The following ATP7B variants were observed in gnomAD, a reference collection of about 807,000 sequenced individuals.
The protein encoded by ATP7B is copper-transporting ATPase 2.
In ATP7B, 113 loss-of-function variants were observed where a neutral mutation model predicts 118.9. That is an observed-to-expected ratio of 0.95 (90% confidence interval 0.82 to 1.11). ATP7B has a LOEUF of 1.11. Ranked by LOEUF, ATP7B falls within the 50% of genes most tolerant of loss-of-function variation. ATP7B has a pLI of 0.00. For missense variants in ATP7B, 1,867 were observed against 1,871.4 expected (o/e 1.00, Z 0.04); for synonymous variants, 777 against 727.4 (o/e 1.07, Z -1.10).
chr13:51,983,730 G>A (rs764996568), intron 1 of ATP7B, among the ~76,000 whole-genome samples: 7 of 152,216 alleles, frequency 4.6e-5, no homozygotes, highest in Non-Finnish European at 1.0e-4. Context: ...AGCAATCTTT[G>A]CTGTTCTGTA....
At chr13:51,989,661 C>G (rs1043266893) in intron 1 of ATP7B, among the ~76,000 whole-genome samples, 1 of 152,152 alleles carries the variant, frequency 6.6e-6, no homozygotes, top group Non-Finnish European at 1.5e-5. Context: ...GACAGGGTAT[C>G]GTCTCCAAGG....
Position 51,944,288 on chromosome 13 carries a change from T to TG in ATP7B, c.3063_3064insC (p.Lys1022GlnfsTer6). 1 of 1,613,796 alleles carries TG rather than the reference T, an allele frequency of 6.2e-7. No individual in the cohort carries two copies. The highest frequency in any genetic ancestry group is 8.5e-7 in the Non-Finnish European group (1 of 1,179,970). On this transcript the variant is annotated frameshift_variant, in exon 14 of 21. Coordinates refer to ENST00000242839, the MANE Select transcript of ATP7B (RefSeq NM_000053.4). LOFTEE classifies it high-confidence loss of function. Reference sequence around the variant, plus strand: ...CCAGTCTTGTCAAACATCACAGTCTTTATCTGCCAAAAACAACCACAACTC... The same window carrying TG: ...CCAGTCTTGTCAAACATCACAGTCTTGTATCTGCCAAAAACAACCACAACTC...
intron 5 of ATP7B, among the ~76,000 whole-genome samples, chr13:51,963,693 G>A (rs1958896249): frequency 7.1e-6 from 1 of 140,728 alleles, no homozygotes; most frequent in Admixed American, 7.6e-5. Flanking sequence ...CCGAGATCAT[G>A]CCATCACACT....
chr13:52,005,418 T>A (rs1953718523), intron 1 of ATP7B, among the ~76,000 whole-genome samples: 1 of 152,176 alleles, frequency 6.6e-6, no homozygotes, highest in African/African-American at 2.4e-5. Context: ...CCACAAAGCA[T>A]TAGGGCACAG....
chr13:51,977,788 T>C (rs1337457951), intron 1 of ATP7B, among the ~76,000 whole-genome samples: 1 of 152,216 alleles, frequency 6.6e-6, no homozygotes, highest in Non-Finnish European at 1.5e-5. Context: ...ACTATGACAT[T>C]ACAACAGCTG....
At position 51,941,074 on chromosome 13, in the gene ATP7B, A is replaced by T; in HGVS notation, c.3556+7T>A. ...GAGAGCGGAAGGAAGGCAGAAGCAG[A>T]AGATACCGTCAATAGCCACCAGGAT... is the stretch of plus-strand genomic sequence containing the variant. On this transcript the variant is annotated splice_region_variant and intron_variant, in intron 16 of 20. Transcript: ENST00000242839. 1 of 1,614,218 alleles carries T rather than the reference A, an allele frequency of 6.2e-7. No homozygotes were observed. The highest frequency in any genetic ancestry group is 8.5e-7 in the Non-Finnish European group (1 of 1,180,026).
intron 10 of ATP7B, 46 bp from the exon 11 acceptor site, chr13:51,950,207 G>C (rs770017897): frequency 4.3e-6 from 7 of 1,614,052 alleles, no homozygotes; most frequent in Non-Finnish European, 5.1e-6. Context: ...GCCCCATCCA[G>C]CACTCATGTG....
In ATP7B at chr13:51,974,059, C is replaced by T. The variant is rs748788136; in HGVS notation, c.1161G>A (p.Val387=). 3 of 1,614,092 alleles carry T rather than the reference C, an allele frequency of 1.9e-6. No homozygotes were observed. The highest frequency in any genetic ancestry group is 1.7e-5 in the Admixed American group (1 of 60,008). The change falls in exon 2 of 21, where the codon GTG becomes GTA. Residue 387 remains valine (V), a synonymous_variant. Coordinates refer to ENST00000242839, the MANE Select transcript of ATP7B (RefSeq NM_000053.4). ...CGGCCAAAGACACCGATATTTGCTG[C>T]ACCCCTTCCAGTTGGGAGATCATGC... is the stretch of plus-strand genomic sequence containing the variant. ...IEGMISQLEG[V]QQISVSLAEG... is the part of the protein sequence containing the mutation.
chr13:51,935,799 C>A, intron 19 of ATP7B, 104 bp from the exon 20 acceptor site: 1 of 989,452 alleles, frequency 1.0e-6, no homozygotes, highest in East Asian at 2.6e-5. Context: ...CCAGTGAGGT[C>A]TCCACCTGGC....
At chr13:51,982,646 G>GGAT (rs1035750753) in intron 1 of ATP7B, among the ~76,000 whole-genome samples, 10 of 152,172 alleles carry the variant, frequency 6.6e-5, no homozygotes, top group African/African-American at 2.4e-4. Context: ...TGGCCGAATA[G>GGAT]GAACAGCTCC....
Position 51,937,398 on chromosome 13 carries a change from T to C in ATP7B, c.3904-5A>G. 1 of 1,614,218 alleles carries C rather than the reference T, an allele frequency of 6.2e-7. No individual in the cohort carries two copies. The highest frequency in any genetic ancestry group is 8.5e-7 in the Non-Finnish European group (1 of 1,180,038). ...CACCACATCCAGCAAATCATTCTGA[T>C]GGAGAGGAGCACACAGTGAGGAAGG... On this transcript the variant is annotated splice_polypyrimidine_tract_variant and splice_region_variant and intron_variant, in intron 18 of 20. Coordinates refer to ENST00000242839, the MANE Select transcript of ATP7B (RefSeq NM_000053.4).
In ATP7B at chr13:51,968,427, G is replaced by T. The variant is rs199571857; in HGVS notation, c.1707+17C>A. 63 of 1,614,000 alleles carry T rather than the reference G, an allele frequency of 3.9e-5. No individual in the cohort carries two copies. The highest frequency in any genetic ancestry group is 5.3e-5 in the Non-Finnish European group (63 of 1,180,012). On this transcript the variant is annotated intron_variant, in intron 4 of 20. Coordinates refer to ENST00000242839, the MANE Select transcript of ATP7B (RefSeq NM_000053.4). ...TGTCAGAAGCCTGTAACCCCGTAACGCACCCACAGTACTTACTGTCAGCTC... is the reference window on the plus strand; with the variant it reads ...TGTCAGAAGCCTGTAACCCCGTAACTCACCCACAGTACTTACTGTCAGCTC...
intron 1 of ATP7B, among the ~76,000 whole-genome samples, chr13:51,993,820 G>A (rs1224114532): frequency 1.3e-5 from 2 of 152,174 alleles, no homozygotes; most frequent in Admixed American, 6.5e-5. Flanking sequence ...GAATCTAAAG[G>A]AGAGTGTCCA....
At chr13:52,009,220 C>T (rs1366184906) in intron 1 of ATP7B, among the ~76,000 whole-genome samples, 1 of 152,118 alleles carries the variant, frequency 6.6e-6, no homozygotes, top group African/African-American at 2.4e-5. Flanking sequence ...TTGAGATGGC[C>T]GTTCAGAGGG....
chr13:51,975,324 G>A (rs753421301), intron 1 of ATP7B, 156 bp from the exon 2 acceptor site: 2 of 1,006,904 alleles, frequency 2.0e-6, no homozygotes, highest in African/African-American at 3.1e-5. Context: ...GCAAGCTAAA[G>A]GCAGCATCTA....
rs1186704278 is a variant in ATP7B at position 51,966,809 on chromosome 13, T to G, written c.1707+1635A>C. The G allele has an allele frequency of 2.5e-6, 4 of 1,612,184 alleles. No homozygotes were observed. In the African/African-American group the frequency reaches 4.0e-5, roughly 16 times the overall value. ...GACAGCAAAGGCTTTGATGAATACA[T>G]GAAGGAGCTAGGAGTGGGAATAGCT... On this transcript the variant is annotated intron_variant, in intron 4 of 20. Transcript: ENST00000242839.
At position 51,950,307 on chromosome 13, in the gene ATP7B, T is replaced by C; in HGVS notation, c.2540A>G (p.Glu847Gly). ...GKFPVDGKVL[E>G]GNTMADESLI... ...GGACTCATCAGCCATGGTATTGCCTTCCAGGACTTTCCCATCCACTGGAAA... is the reference window on the plus strand; with the variant it reads ...GGACTCATCAGCCATGGTATTGCCTCCCAGGACTTTCCCATCCACTGGAAA... Residue 847 changes from glutamate (E) to glycine (G), a missense_variant, in exon 10 of 21, where the codon GAA (glutamate) becomes GGA (glycine). By Grantham distance (98) the Glu-to-Gly change is moderately conservative (BLOSUM62 -2). Transcript: ENST00000242839. 1 of 1,614,138 alleles carries C rather than the reference T, an allele frequency of 6.2e-7. No homozygotes were observed. Among genetic ancestry groups the C allele is most frequent in the Non-Finnish European group, 8.5e-7 (1 of 1,180,022 alleles).
Position 51,939,204 on chromosome 13 carries a change from C to T in ATP7B, c.3557-11G>A. 6.2e-7 allele frequency: 1 copy of T among 1,612,344 alleles called. No homozygotes were observed. Among genetic ancestry groups the T allele is most frequent in the African/African-American group, 1.3e-5 (1 of 75,052 alleles). ...TCCCACAGAGCACACCTGGAGCGAA[C>T]CAGCCAGCATCAGCAGCTACACAAG... On this transcript the variant is annotated splice_polypyrimidine_tract_variant and intron_variant, in intron 16 of 20. Transcript: ENST00000242839.
At chr13:52,011,476 G>A (rs1311237421), upstream of ATP7B, 6 of 929,632 alleles carry the variant, frequency 6.5e-6, no homozygotes, top group African/African-American at 6.4e-5. Context: ...CGGCTCTAAA[G>A]CAAACAGGGG....
Sources: gnomAD v4.1 joint callset for allele counts (sites outside exome capture counted in the v4.1 genomes callset) on GRCh38, gnomAD v4.1.1 for gene constraint, MANE v1.5 for transcripts, NCBI Gene and HGNC (gene_info 2026-07-23, HGNC 2026-07-21) for gene names.